The following BTBD7 variants were observed in gnomAD, a reference collection of about 807,000 sequenced individuals.
BTBD7 encodes BTB/POZ domain-containing protein 7.
BTBD7 carries 38 observed loss-of-function variants against 99.9 expected under a neutral mutation model. The observed-to-expected ratio is 0.38, with a 90% CI of 0.29 to 0.50. BTBD7 has a LOEUF of 0.50. Ranked by LOEUF, BTBD7 falls within the 20% of genes least tolerant of loss-of-function variation. The pLI is 0.93. For synonymous variants in BTBD7, 520 were observed against 511.4 expected, an observed-to-expected ratio of 1.02 and a Z score of -0.23; for missense variants, 1,170 against 1,394.6, an observed-to-expected ratio of 0.84 and a Z score of 2.57.
At chr14:93,254,657 A>G (rs1174141008) in intron 6 of BTBD7, among the ~76,000 whole-genome samples, 1 of 152,214 alleles carries the variant, frequency 6.6e-6, no homozygotes, top group Non-Finnish European at 1.5e-5. Context: ...AAGGCAGTGC[A>G]CAGCTAACTG....
chr14:93,257,095 C>T, intron 6 of BTBD7, 100 bp downstream of exon 6: 1 of 1,217,072 alleles, frequency 8.2e-7, no homozygotes, highest in South Asian at 1.4e-5. Context: ...ATTACAGCTT[C>T]ACAATACTCT....
At chr14:93,331,979 C>T (rs2053431832) in intron 1 of BTBD7, among the ~76,000 whole-genome samples, 1 of 150,736 alleles carries the variant, frequency 6.6e-6, no homozygotes, top group Non-Finnish European at 1.5e-5. Context: ...GTTAACAGTG[C>T]TCTGGTGTAG....
chr14:93,279,554 C>A lies in BTBD7; in HGVS notation c.1162+14304G>T, dbSNP rs574860014. ...CTTAACACTGGACTATCCTTTTCTT[C>A]TTTTTTTCGTTGAGACAGAGTCTCG... is the stretch of plus-strand genomic sequence containing the variant. On this transcript the variant is annotated intron_variant, in intron 3 of 10. Transcript: ENST00000334746. Among the ~76,000 whole-genome samples, 81 of 152,162 alleles carry A rather than the reference C, an allele frequency of 5.3e-4. No homozygotes were observed. The South Asian group carries it at 0.016, about 31-fold the overall frequency.
In BTBD7 at chr14:93,240,519, G is replaced by A. The variant is rs1346435955; in HGVS notation, c.*1754C>T. On this transcript the variant is annotated 3_prime_UTR_variant, in exon 11 of 11. Coordinates refer to ENST00000334746, the MANE Select transcript of BTBD7 (RefSeq NM_001002860.4). ...CGCTCCCTAGCCCTGCATAGTTTTC[G>A]AGTGAGTGTGAGTGATTCATAGTTT... 6.6e-6 allele frequency: 1 copy of A among 152,586 alleles called. No homozygotes were observed. Among genetic ancestry groups the A allele is most frequent in the Non-Finnish European group, 1.5e-5 (1 of 68,026 alleles). 9.5% of individuals were successfully genotyped at this position (152,586 alleles called of 1,614,324 possible). A position where few individuals can be genotyped will look rare whatever the true frequency, so the allele number is the denominator to read the frequency against.
intron 5 of BTBD7, among the ~76,000 whole-genome samples, chr14:93,257,785 T>C (rs1336359139): frequency 6.6e-6 from 1 of 152,246 alleles, no homozygotes; most frequent in Non-Finnish European, 1.5e-5. Flanking sequence ...AGCCTACATA[T>C]GTGTAACAGT....
Position 93,242,104 on chromosome 14 carries a change from C to A in BTBD7, c.*169G>T, listed in dbSNP as rs2052237355. 7 of 566,100 alleles carry A rather than the reference C, an allele frequency of 1.2e-5. No homozygotes were observed. The highest frequency in any genetic ancestry group is 5.9e-5 in the East Asian group (2 of 34,176). 35.1% of individuals were successfully genotyped at this position (566,100 alleles called of 1,614,324 possible). ...GCAACATTAAAAAAAAAAAACAAAA[C>A]CTTCTTAGCATGCCATGTCTAATAA... is the stretch of plus-strand genomic sequence containing the variant. On this transcript the variant is annotated 3_prime_UTR_variant, in exon 11 of 11. Coordinates refer to ENST00000334746, the MANE Select transcript of BTBD7 (RefSeq NM_001002860.4).
chr14:93,291,315 G>A (rs2052852570), intron 3 of BTBD7, among the ~76,000 whole-genome samples: 1 of 151,968 alleles, frequency 6.6e-6, no homozygotes, highest in Admixed American at 6.5e-5. Context: ...AGCTTATAGG[G>A]TTTACTATCT....
chr14:93,322,237 C>T (rs1018619957), intron 1 of BTBD7, among the ~76,000 whole-genome samples: 3 of 152,074 alleles, frequency 2.0e-5, no homozygotes, highest in African/African-American at 4.8e-5. Flanking sequence ...CTCAGCCTCT[C>T]GAATAGCTAA....
intron 1 of BTBD7, among the ~76,000 whole-genome samples, chr14:93,308,673 A>C (rs2053100329): frequency 6.6e-6 from 1 of 152,228 alleles, no homozygotes; most frequent in Admixed American, 6.5e-5. Flanking sequence ...TCAGCCTTAA[A>C]AAGGAAGGAA....
chr14:93,328,999 C>T (rs955417919), intron 1 of BTBD7, among the ~76,000 whole-genome samples: 1 of 152,040 alleles, frequency 6.6e-6, no homozygotes, highest in Non-Finnish European at 1.5e-5. Context: ...ACACCAAAAG[C>T]ATAAGCAACA....
At chr14:93,285,551 C>A (rs546930174) in intron 3 of BTBD7, among the ~76,000 whole-genome samples, 1 of 152,212 alleles carries the variant, frequency 6.6e-6, no homozygotes, top group African/African-American at 2.4e-5. Flanking sequence ...GGGTATTTTG[C>A]TCTGAGGTCA....
At chr14:93,317,756 G>A (rs926137462) in intron 1 of BTBD7, among the ~76,000 whole-genome samples, 3 of 152,186 alleles carry the variant, frequency 2.0e-5, no homozygotes, top group Non-Finnish European at 2.9e-5. Context: ...TATTTAATAA[G>A]GGTGATTTAC....
chr14:93,273,540 C>T (rs1175371283), intron 3 of BTBD7, among the ~76,000 whole-genome samples: 1 of 152,162 alleles, frequency 6.6e-6, no homozygotes, highest in African/African-American at 2.4e-5. Flanking sequence ...AATCTGGGTC[C>T]TGGTAGGAAC....
intron 1 of BTBD7, among the ~76,000 whole-genome samples, chr14:93,308,790 G>GA (rs1237469506): frequency 2.6e-5 from 4 of 152,212 alleles, no homozygotes; most frequent in Admixed American, 6.5e-5. Context: ...GAAGTACTTA[G>GA]AGTAATCAAA....
intron 8 of BTBD7, among the ~76,000 whole-genome samples, chr14:93,250,767 C>T (rs2052360346): frequency 1.3e-5 from 2 of 152,134 alleles, no homozygotes; most frequent in South Asian, 4.1e-4. Context: ...GATCGATAGC[C>T]AATTCCCCTA....
At chr14:93,258,720 G>A (rs1260954669) in intron 5 of BTBD7, among the ~76,000 whole-genome samples, 1 of 152,124 alleles carries the variant, frequency 6.6e-6, no homozygotes, top group Admixed American at 6.6e-5. Context: ...AAGTAGCTGG[G>A]ATTATAGGCA....
At chr14:93,276,436 A>T (rs553448066) in intron 3 of BTBD7, among the ~76,000 whole-genome samples, 1 of 152,282 alleles carries the variant, frequency 6.6e-6, no homozygotes, top group South Asian at 2.1e-4. Flanking sequence ...ACAAAGTGGA[A>T]GGGTGGGGGA....
chr14:93,330,811 T>C (rs922582188), intron 1 of BTBD7, among the ~76,000 whole-genome samples: 4 of 152,224 alleles, frequency 2.6e-5, no homozygotes, highest in African/African-American at 9.7e-5. Context: ...TGAGACACAC[T>C]ATAAAAATGC....
intron 1 of BTBD7, among the ~76,000 whole-genome samples, chr14:93,311,074 T>C (rs2053131898): frequency 1.3e-5 from 2 of 152,214 alleles, no homozygotes; most frequent in African/African-American, 4.8e-5. Context: ...ATTTACTAAT[T>C]TTCAAAACAA....
Sources: gnomAD v4.1 joint callset for allele counts (sites outside exome capture counted in the v4.1 genomes callset) on GRCh38, gnomAD v4.1.1 for gene constraint, MANE v1.5 for transcripts, NCBI Gene and HGNC (gene_info 2026-07-23, HGNC 2026-07-21) for gene names.